ITGAE: variants seen among roughly 807,000 people sequenced by gnomAD.
The protein encoded by ITGAE is integrin alpha-E.
ITGAE carries 99 observed loss-of-function variants against 136.5 expected under a neutral mutation model. The ratio of observed to expected loss-of-function variants is 0.73; its 90% CI spans 0.62 to 0.86. ITGAE has a LOEUF of 0.86. ITGAE is among the 40% of genes least tolerant of loss of function. The pLI, the probability that ITGAE is intolerant of heterozygous loss-of-function variation, is 0.00. For missense variants in ITGAE, 1,447 were observed against 1,515.3 expected (o/e 0.95, Z 0.75); for synonymous variants, 613 against 591.8 (o/e 1.04, Z -0.52).
At chr17:3,800,545 C>G (rs1006634937) in intron 1 of ITGAE, among the ~76,000 whole-genome samples, 9 of 152,078 alleles carry the variant, frequency 5.9e-5, no homozygotes, top group Non-Finnish European at 7.4e-5. Flanking sequence ...AAAATGGGAC[C>G]CCCCAGGCAG....
At chr17:3,757,506 C>T (rs2052057976) in intron 9 of ITGAE, among the ~76,000 whole-genome samples, 200 bp downstream of exon 9, 1 of 152,180 alleles carries the variant, frequency 6.6e-6, no homozygotes, top group African/African-American at 2.4e-5. Flanking sequence ...TCTCCCACCA[C>T]TATTTGGCCA....
chr17:3,797,464 C>CTT (rs573506680), intron 1 of ITGAE, among the ~76,000 whole-genome samples: 1,232 of 114,714 alleles, frequency 0.011, 32 homozygotes, highest in African/African-American at 0.037. Context: ...TGCGCCTGGC[C>CTT]TTTTTTTTTT....
chr17:3,743,098 C>G (rs1483644697), intron 19 of ITGAE, among the ~76,000 whole-genome samples: 1 of 152,254 alleles, frequency 6.6e-6, no homozygotes, highest in Non-Finnish European at 1.5e-5. Flanking sequence ...AGGGCATCCT[C>G]TCTGCAGTGC....
intron 3 of ITGAE, among the ~76,000 whole-genome samples, chr17:3,763,038 A>G (rs979840598): frequency 3.9e-5 from 6 of 152,050 alleles, no homozygotes; most frequent in Non-Finnish European, 8.8e-5. Context: ...GATTGTAGGC[A>G]TGCACCACCA....
At chr17:3,763,806 TG>T in intron 3 of ITGAE, 62 bp downstream of exon 3, 1 of 1,297,092 alleles carries the variant, frequency 7.7e-7, no homozygotes, top group South Asian at 1.2e-5. Context: ...TGAGTTTAGA[TG>T]AGGGGGATTT....
chr17:3,749,092 CTTG>C (rs138240726), intron 16 of ITGAE, among the ~76,000 whole-genome samples: 2,780 of 152,000 alleles, frequency 0.018, 59 homozygotes, highest in South Asian at 0.047. Context: ...CCAACTAAGA[CTTG>C]TTGATGTGGT....
chr17:3,755,276 G>T lies in ITGAE; in HGVS notation c.1240-15C>A, dbSNP rs755425475. 6.4e-7 allele frequency: 1 copy of T among 1,563,692 alleles called. No homozygotes were observed. The highest frequency in any genetic ancestry group is 1.2e-5 in the South Asian group (1 of 86,538). ...AGCACCTGCCGCTGAAGGGGACGGG[G>T]ATGGGGCCCAGATGAGTGGGAGGGA... On this transcript the variant is annotated splice_polypyrimidine_tract_variant and intron_variant, in intron 11 of 30. Coordinates refer to ENST00000263087, the MANE Select transcript of ITGAE (RefSeq NM_002208.5).
chr17:3,750,556 A>G (rs2051840284), intron 15 of ITGAE, 74 bp from the exon 16 acceptor site: 3 of 1,562,000 alleles, frequency 1.9e-6, no homozygotes, highest in Admixed American at 1.7e-5. Flanking sequence ...TTCATGATCT[A>G]TCCCGATCAG....
At position 3,727,979 on chromosome 17, in the gene ITGAE, G is replaced by T; in HGVS notation, c.3024C>A (p.Cys1008Ter). The T allele has an allele frequency of 1.2e-6, 2 of 1,613,972 alleles. No homozygotes were observed. The highest frequency in any genetic ancestry group is 1.7e-6 in the Non-Finnish European group (2 of 1,179,886). Residue 1008 changes from cysteine to a stop codon, truncating the protein, a stop_gained, in exon 26 of 31, where the codon TGC becomes TGA. Transcript: ENST00000263087. LOFTEE classifies it high-confidence loss of function. ...GGAGACCTCGTAATTTGGTTGGGAC[G>T]CAAATTTGCAACTGGTATTCTGCTC... ...LFGAEYQLQI[C>*]VPTKLRGLQV...
chr17:3,730,224 G>A (rs1567516670), intron 23 of ITGAE, among the ~76,000 whole-genome samples: 2 of 152,094 alleles, frequency 1.3e-5, no homozygotes, highest in African/African-American at 4.8e-5. Context: ...GGGAGGCCAA[G>A]GCTGGTGGAT....
chr17:3,789,216 C>T (rs1468538296), intron 1 of ITGAE, among the ~76,000 whole-genome samples: 2 of 152,016 alleles, frequency 1.3e-5, no homozygotes, highest in African/African-American at 4.8e-5. Context: ...CACAGCACTC[C>T]AGCCTGAGTG....
chr17:3,763,306 GTTCA>G (rs55992020), intron 3 of ITGAE, among the ~76,000 whole-genome samples: 3,321 of 150,628 alleles, frequency 0.022, 90 homozygotes, highest in African/African-American at 0.061. Flanking sequence ...AGTGAATCAG[GTTCA>G]TTCATTCATT....
intron 9 of ITGAE, among the ~76,000 whole-genome samples, chr17:3,757,379 C>G (rs748366687): frequency 6.6e-6 from 1 of 152,174 alleles, no homozygotes; most frequent in Non-Finnish European, 1.5e-5. Flanking sequence ...TTCCCTCTGC[C>G]TGCAGGGCCC....
chr17:3,788,224 GTTC>G (rs1163453306), intron 1 of ITGAE, among the ~76,000 whole-genome samples: 3 of 147,018 alleles, frequency 2.0e-5, no homozygotes, highest in African/African-American at 5.0e-5. Context: ...ATAAACAGAT[GTTC>G]TTAAGTTTAA....
chr17:3,759,418 C>G lies in ITGAE; in HGVS notation c.850G>C (p.Ala284Pro). 1.2e-6 allele frequency: 2 copies of G among 1,613,994 alleles called. No homozygotes were observed. Among genetic ancestry groups the G allele is most frequent in the Non-Finnish European group, 1.7e-6 (2 of 1,179,862 alleles). Residue 284 changes from alanine (A) to proline (P), a missense_variant, in exon 8 of 31, where the codon GCC becomes CCC. Physicochemically the swap from Ala to Pro is conservative, Grantham distance 27. Transcript: ENST00000263087. ...QVGSVTKTASAMQHVLDSIFT... is the reference protein window; with the variant it reads ...QVGSVTKTASPMQHVLDSIFT... ...CACACTCACAAGACGTGTTGCATGGCTGAGGCAGTCTTGGTGACACTCCCC... is the reference window on the plus strand; with the variant it reads ...CACACTCACAAGACGTGTTGCATGGGTGAGGCAGTCTTGGTGACACTCCCC...
At chr17:3,764,554 G>A (rs958403595) in intron 2 of ITGAE, among the ~76,000 whole-genome samples, 3 of 152,136 alleles carry the variant, frequency 2.0e-5, no homozygotes, top group South Asian at 4.1e-4. Flanking sequence ...AAAATTAGCC[G>A]GGCATGGTGG....
chr17:3,752,212 C>G (rs1474911230), intron 14 of ITGAE, among the ~76,000 whole-genome samples: 1 of 152,216 alleles, frequency 6.6e-6, no homozygotes, highest in East Asian at 1.9e-4. Context: ...CCTGGAAGTT[C>G]AGGAGTCAGA....
At position 3,757,732 on chromosome 17, in the gene ITGAE, G is replaced by A. The variant is rs753016310; in HGVS notation, c.994C>T (p.Gln332Ter). ...CCAATGGCAAAGCGCTCAACACCCT[G>A]CATTTTGGGGGAGTTGATGACTGTC... Reference protein sequence around the residue: ...LTTVINSPKMQGVERFAIGVG... With the variant: ...LTTVINSPKM Residue 332 changes from glutamine to a stop codon, truncating the protein, a stop_gained, in exon 9 of 31, where the codon CAG becomes TAG. Coordinates refer to ENST00000263087, the MANE Select transcript of ITGAE (RefSeq NM_002208.5). LOFTEE classifies it high-confidence loss of function. 7.4e-6 allele frequency: 12 copies of A among 1,614,008 alleles called. No homozygotes were observed. The Admixed American group carries it at 1.5e-4, about 20-fold the overall frequency.
intron 1 of ITGAE, among the ~76,000 whole-genome samples, chr17:3,794,186 T>C (rs748671565): frequency 2.0e-5 from 3 of 151,348 alleles, no homozygotes; most frequent in African/African-American, 4.9e-5. Context: ...GCCATGTTGG[T>C]CAGGCTGGTC....
Sources: gnomAD v4.1 joint callset for allele counts (sites outside exome capture counted in the v4.1 genomes callset) on GRCh38, gnomAD v4.1.1 for gene constraint, MANE v1.5 for transcripts, NCBI Gene and HGNC (gene_info 2026-07-23, HGNC 2026-07-21) for gene names.